The following HS1BP3 variants were observed in gnomAD, a reference collection of about 807,000 sequenced individuals.
The protein encoded by HS1BP3 is HCLS1 binding protein 3.
In HS1BP3, 32 loss-of-function variants were observed where a neutral mutation model predicts 33.5. The ratio of observed to expected loss-of-function variants is 0.95; its 90% CI spans 0.72 to 1.28. The LOEUF (loss-of-function observed/expected upper bound fraction) is 1.28, where lower values mean the gene tolerates loss of function less well. HS1BP3 is among the 50% of genes most tolerant of loss of function. The pLI, the probability that HS1BP3 is intolerant of heterozygous loss-of-function variation, is 0.00. For missense variants in HS1BP3, 486 were observed against 502.3 expected, an observed-to-expected ratio of 0.97 and a Z score of 0.31; for synonymous variants, 187 against 209.2, an observed-to-expected ratio of 0.89 and a Z score of 0.92.
intron 2 of HS1BP3, among the ~76,000 whole-genome samples, chr2:20,609,150 C>T (rs1216905541): frequency 2.6e-5 from 4 of 152,218 alleles, no homozygotes; most frequent in Non-Finnish European, 5.9e-5. Context: ...CCATGGGTAG[C>T]TGCAGGATGA....
chr2:20,595,633 C>T (rs1002930259), intron 3 of HS1BP3, among the ~76,000 whole-genome samples: 1 of 152,192 alleles, frequency 6.6e-6, no homozygotes, highest in African/African-American at 2.4e-5. Context: ...GGCCCTTCCT[C>T]GACATGGCTG....
intron 5 of HS1BP3, among the ~76,000 whole-genome samples, chr2:20,563,348 C>T (rs922037807): frequency 3.3e-5 from 5 of 152,250 alleles, no homozygotes; most frequent in Admixed American, 2.0e-4. Context: ...GTGCAGGCCA[C>T]TGCACAGTGT....
exon 4 of HS1BP3, chr2:20,592,712 C>T (rs11885876): frequency 0.77 from 116,861 of 152,376 alleles, 46,947 homozygotes; most frequent in East Asian, 0.95. Context: ...GGCGTTCCCC[C>T]GCTGGTGGCA....
intron 5 of HS1BP3, among the ~76,000 whole-genome samples, chr2:20,564,005 A>G (rs1426964520): frequency 6.6e-6 from 1 of 152,320 alleles, no homozygotes; most frequent in East Asian, 1.9e-4. Context: ...ATTATTAATC[A>G]GCTGGGAGGA....
downstream of HS1BP3, among the ~76,000 whole-genome samples, chr2:20,555,811 T>C (rs890357915): frequency 6.6e-6 from 1 of 152,180 alleles, no homozygotes; most frequent in African/African-American, 2.4e-5. Flanking sequence ...TATAATGCAA[T>C]GGGCTTCTTG....
At chr2:20,634,329 A>G (rs1695056070) in intron 4 of HS1BP3, among the ~76,000 whole-genome samples, 4 of 152,244 alleles carry the variant, frequency 2.6e-5, no homozygotes, top group Admixed American at 2.6e-4. Flanking sequence ...GCTTGTTAAA[A>G]CACAGATTCT....
chr2:20,641,678 G>A (rs1695354876), intron 2 of HS1BP3, among the ~76,000 whole-genome samples: 1 of 152,174 alleles, frequency 6.6e-6, no homozygotes, highest in South Asian at 2.1e-4. Context: ...CTTGTTCTCT[G>A]CCCTGCGTCA....
chr2:20,589,536 C>A (rs1171966312), downstream of HS1BP3, among the ~76,000 whole-genome samples: 3 of 152,192 alleles, frequency 2.0e-5, no homozygotes, highest in African/African-American at 7.2e-5. Flanking sequence ...GACTGAGGGA[C>A]AACACCCCCA....
chr2:20,601,768 TTC>T (rs1165818575), intron 2 of HS1BP3, among the ~76,000 whole-genome samples: 21 of 110,158 alleles, frequency 1.9e-4, no homozygotes, highest in African/African-American at 6.3e-4. Flanking sequence ...CAAGTGTGTC[TTC>T]TTTTTTTTTT....
intron 1 of HS1BP3, 79 bp downstream of exon 1, chr2:20,650,953 C>T (rs1695675689): frequency 3.4e-6 from 4 of 1,163,404 alleles, no homozygotes; most frequent in South Asian, 8.6e-5. Flanking sequence ...GCCTAGGAGG[C>T]GGCGGCCTCC....
intron 2 of HS1BP3, among the ~76,000 whole-genome samples, chr2:20,598,760 GTT>G (rs1159755738): frequency 6.6e-6 from 1 of 151,644 alleles, no homozygotes; most frequent in Non-Finnish European, 1.5e-5. Flanking sequence ...GGGTTTCACT[GTT>G]TTAGCCGGGA....
downstream of HS1BP3, among the ~76,000 whole-genome samples, chr2:20,558,678 G>A (rs114662702): frequency 9.2e-3 from 1,407 of 152,288 alleles, 23 homozygotes; most frequent in African/African-American, 0.032. Flanking sequence ...AGGGCCCAGC[G>A]GCACAGGGGA....
intron 5 of HS1BP3, among the ~76,000 whole-genome samples, chr2:20,584,993 A>G (rs775767038): frequency 1.3e-5 from 2 of 152,192 alleles, no homozygotes; most frequent in Non-Finnish European, 2.9e-5. Flanking sequence ...GAAAATGGAG[A>G]GGGACAATCT....
At chr2:20,620,302 C>G (rs138517368) in intron 6 of HS1BP3, among the ~76,000 whole-genome samples, 1 of 152,330 alleles carries the variant, frequency 6.6e-6, no homozygotes, top group Non-Finnish European at 1.5e-5. Context: ...GCCCTGAGAC[C>G]CACAGCTAGT....
At chr2:20,636,166 C>T (rs1260890594) in intron 4 of HS1BP3, 1 of 152,256 alleles carries the variant, frequency 6.6e-6, no homozygotes, top group African/African-American at 2.4e-5. Context: ...AACAGCCTCC[C>T]GAGAAGAACA....
chr2:20,633,517 T>C (rs1276646341), intron 4 of HS1BP3, among the ~76,000 whole-genome samples: 1 of 152,196 alleles, frequency 6.6e-6, no homozygotes, highest in East Asian at 1.9e-4. Context: ...TTTTTTTGTT[T>C]GTTTGGTTTC....
intron 6 of HS1BP3, 139 bp from the exon 7 acceptor site, chr2:20,619,384 G>A: frequency 1.4e-6 from 1 of 715,972 alleles, no homozygotes. Context: ...GCCCCGCCCT[G>A]CTCTGCCCCA....
intron 4 of HS1BP3, 25 bp downstream of exon 4, chr2:20,638,411 G>A (rs1159420495): frequency 6.3e-7 from 1 of 1,598,828 alleles, no homozygotes; most frequent in Non-Finnish European, 8.6e-7. Context: ...CACCAAAGGG[G>A]CCCTCTCAAC....
chr2:20,579,944 C>A (rs980012965), intron 5 of HS1BP3, among the ~76,000 whole-genome samples: 1 of 152,282 alleles, frequency 6.6e-6, no homozygotes, highest in African/African-American at 2.4e-5. Flanking sequence ...CTTCCCACTT[C>A]TCTCTTCCTC....
Sources: allele counts gnomAD v4.1 joint callset (sites outside exome capture counted in the v4.1 genomes callset), GRCh38; gene constraint gnomAD v4.1.1; transcripts MANE v1.5; gene names NCBI Gene and HGNC (gene_info 2026-07-23, HGNC 2026-07-21).